Variants in INPP4A observed in about 807,000 individuals in gnomAD.
INPP4A encodes the protein inositol polyphosphate-4-phosphatase type I A, also known as inositol polyphosphate-4-phosphatase, type I, 107kD.
Under a neutral mutation model 119.8 loss-of-function variants are expected in INPP4A, and 33 were observed. The ratio of observed to expected loss-of-function variants is 0.28; its 90% CI spans 0.21 to 0.37. INPP4A has a LOEUF of 0.37. INPP4A is among the 10% of genes least tolerant of loss of function. The pLI is 1.00. For missense variants in INPP4A, 956 were observed against 1,289.9 expected (o/e 0.74, Z 3.97); for synonymous variants, 496 against 500.7 (o/e 0.99, Z 0.12).
chr2:98,462,556 C>A (rs978290672), intron 1 of INPP4A, among the ~76,000 whole-genome samples: 3 of 150,990 alleles, frequency 2.0e-5, no homozygotes, highest in Non-Finnish European at 4.4e-5. Flanking sequence ...GACAGGGTGT[C>A]ACTCTGTCAA....
At chr2:98,540,859 T>C (rs934585165) in intron 10 of INPP4A, among the ~76,000 whole-genome samples, 3 of 152,236 alleles carry the variant, frequency 2.0e-5, no homozygotes, top group African/African-American at 7.2e-5. Context: ...TTCTAACATA[T>C]GAACTTTGGG....
intron 1 of INPP4A, among the ~76,000 whole-genome samples, chr2:98,453,976 G>A (rs1695656100): frequency 1.3e-5 from 2 of 152,242 alleles, no homozygotes; most frequent in South Asian, 4.1e-4. Flanking sequence ...GTGTGGTGGT[G>A]CACACCTGTA....
intron 1 of INPP4A, among the ~76,000 whole-genome samples, chr2:98,496,637 A>G (rs576165251): frequency 2.0e-5 from 3 of 152,354 alleles, no homozygotes; most frequent in Non-Finnish European, 2.9e-5. Context: ...AGGGGTTAAC[A>G]TCAGAAACAT....
intron 23 of INPP4A, among the ~76,000 whole-genome samples, chr2:98,575,218 C>T (rs945679528): frequency 6.6e-6 from 1 of 152,248 alleles, no homozygotes; most frequent in Admixed American, 6.5e-5. Context: ...CCCAGCAGTG[C>T]ACCACAAGTG....
At chr2:98,502,925 A>G (rs990722721) in intron 1 of INPP4A, among the ~76,000 whole-genome samples, 1 of 152,172 alleles carries the variant, frequency 6.6e-6, no homozygotes, top group African/African-American at 2.4e-5. Context: ...ATTTTATTTT[A>G]TATTTGCAGA....
intron 1 of INPP4A, among the ~76,000 whole-genome samples, chr2:98,495,592 A>G (rs994424836): frequency 2.0e-5 from 3 of 152,228 alleles, no homozygotes; most frequent in Non-Finnish European, 4.4e-5. Flanking sequence ...TGTAAGATGT[A>G]TATTAGTTTG....
chr2:98,582,675 C>T (rs1415706294), intron 24 of INPP4A, among the ~76,000 whole-genome samples: 3 of 151,634 alleles, frequency 2.0e-5, no homozygotes, highest in African/African-American at 7.3e-5. Context: ...AGAAAGATCA[C>T]CTGCTGCATA....
chr2:98,485,056 G>A (rs1407207158), intron 1 of INPP4A, among the ~76,000 whole-genome samples: 1 of 151,936 alleles, frequency 6.6e-6, no homozygotes, highest in Non-Finnish European at 1.5e-5. Flanking sequence ...GAGTGTGTGT[G>A]TGTCCTGGTA....
chr2:98,535,657 TG>T, intron 5 of INPP4A, 71 bp from the exon 6 acceptor site: 1 of 684,528 alleles, frequency 1.5e-6, no homozygotes, highest in Non-Finnish European at 2.6e-6. Context: ...CTGAAAATGT[TG>T]GTGTATTTCA....
chr2:98,466,131 T>G (rs889093602), intron 1 of INPP4A, among the ~76,000 whole-genome samples: 1 of 152,238 alleles, frequency 6.6e-6, no homozygotes, highest in African/African-American at 2.4e-5. Context: ...CTGCAACCTC[T>G]GTCTCCTGGA....
intron 1 of INPP4A, among the ~76,000 whole-genome samples, chr2:98,459,757 T>A (rs1696808909): frequency 6.6e-6 from 1 of 152,250 alleles, no homozygotes; most frequent in African/African-American, 2.4e-5. Context: ...ATATAATCAA[T>A]GTTTGTTGAG....
chr2:98,449,981 T>G (rs1446597868), intron 1 of INPP4A, among the ~76,000 whole-genome samples: 2 of 152,232 alleles, frequency 1.3e-5, no homozygotes, highest in African/African-American at 4.8e-5. Context: ...TTTATATCCT[T>G]TGTTCATTTT....
At chr2:98,497,914 G>A (rs2871214) in intron 1 of INPP4A, among the ~76,000 whole-genome samples, 4,730 of 152,258 alleles carry the variant, frequency 0.031, 267 homozygotes, top group African/African-American at 0.11. Context: ...CATTTGGAAT[G>A]GCTGTGTTTA....
rs1700510441 is a variant in INPP4A, at chr2:98,594,149, C to G, written c.*6541C>G. The G allele has an allele frequency of 6.6e-6, 1 of 152,148 alleles. No individual in the cohort carries two copies. Among genetic ancestry groups the G allele is most frequent in the Non-Finnish European group, 1.5e-5 (1 of 68,032 alleles). 9.4% of individuals were successfully genotyped at this position (152,148 alleles called of 1,614,324 possible). On this transcript the variant is annotated 3_prime_UTR_variant, in exon 25 of 25. Coordinates refer to ENST00000409851, the MANE Select transcript of INPP4A (RefSeq NM_001134225.2). ...TTTTCTCACTACATAATCGGTTACG[C>G]TAAATGCATCACGAGCCAAATTCAA... is the stretch of plus-strand genomic sequence containing the variant.
At chr2:98,465,457 A>T (rs1365116786) in intron 1 of INPP4A, among the ~76,000 whole-genome samples, 1 of 152,220 alleles carries the variant, frequency 6.6e-6, no homozygotes, top group Non-Finnish European at 1.5e-5. Context: ...TTCGAAACTT[A>T]ATTGAGTCTG....
At chr2:98,503,413 G>A (rs1330437486) in intron 1 of INPP4A, among the ~76,000 whole-genome samples, 1 of 152,204 alleles carries the variant, frequency 6.6e-6, no homozygotes, top group Non-Finnish European at 1.5e-5. Flanking sequence ...AGACTTTCCT[G>A]TTTCCTGAGT....
chr2:98,448,707 C>CT (rs1694701638), intron 1 of INPP4A, among the ~76,000 whole-genome samples: 6 of 87,008 alleles, frequency 6.9e-5, no homozygotes, highest in African/African-American at 1.8e-4. Flanking sequence ...CTCTCTCTCT[C>CT]TCTTTTTTTT....
chr2:98,492,179 GACAA>G (rs1680946767), intron 1 of INPP4A, among the ~76,000 whole-genome samples: 1 of 152,104 alleles, frequency 6.6e-6, no homozygotes, highest in Non-Finnish European at 1.5e-5. Flanking sequence ...GTGAGCCACC[GACAA>G]CTGCATTTTT....
intron 7 of INPP4A, among the ~76,000 whole-genome samples, chr2:98,537,244 A>G (rs537418192): frequency 6.6e-6 from 1 of 152,254 alleles, no homozygotes; most frequent in Non-Finnish European, 1.5e-5. Flanking sequence ...GAAAGCCTGA[A>G]GTTCCAGGGT....
Sources: gnomAD v4.1 joint callset for allele counts (sites outside exome capture counted in the v4.1 genomes callset) on GRCh38, gnomAD v4.1.1 for gene constraint, MANE v1.5 for transcripts, NCBI Gene and HGNC (gene_info 2026-07-23, HGNC 2026-07-21) for gene names.